DNM3: variants seen among roughly 807,000 people sequenced by gnomAD.
DNM3 encodes the protein dynamin 3, also known as dynamin-3.
In DNM3, 47 loss-of-function variants were observed where a neutral mutation model predicts 101.6. The observed-to-expected ratio is 0.46, with a 90% CI of 0.37 to 0.59. DNM3 has a LOEUF of 0.59. Ranked by LOEUF, DNM3 falls within the 20% of genes least tolerant of loss-of-function variation. DNM3 has a pLI of 0.00. For missense variants in DNM3, 849 were observed against 1,085.7 expected (o/e 0.78, Z 3.06); for synonymous variants, 385 against 387.9 (o/e 0.99, Z 0.09).
chr1:172,192,974 C>T (rs2059792535), intron 14 of DNM3, among the ~76,000 whole-genome samples: 1 of 151,328 alleles, frequency 6.6e-6, no homozygotes, highest in South Asian at 2.1e-4. Flanking sequence ...AATGGTTGAA[C>T]TAGTTTACAG....
At chr1:171,956,888 C>T (rs2042894063) in intron 2 of DNM3, among the ~76,000 whole-genome samples, 1 of 152,312 alleles carries the variant, frequency 6.6e-6, no homozygotes, top group Middle Eastern at 3.4e-3. Flanking sequence ...GACTTGCACC[C>T]TCAGAAGCAA....
Position 171,923,256 on chromosome 1 carries a change from A to G in DNM3, c.235+1435A>G, listed in dbSNP as rs1177837364. 2.6e-5 allele frequency among the ~76,000 whole-genome samples: 4 copies of G among 152,288 alleles called. No homozygotes were observed. The East Asian group carries it at 7.7e-4, about 29-fold the overall frequency. On this transcript the variant is annotated intron_variant, in intron 2 of 20. Coordinates refer to ENST00000627582, the MANE Select transcript of DNM3 (RefSeq NM_015569.5). ...CTGTGGTTTTGACTTGCGTTTTCCTAATGACTAAAGATACTGAGCATCTTT... is the reference window on the plus strand; with the variant it reads ...CTGTGGTTTTGACTTGCGTTTTCCTGATGACTAAAGATACTGAGCATCTTT...
At chr1:171,893,428 C>A (rs2037473419) in intron 1 of DNM3, among the ~76,000 whole-genome samples, 4 of 150,354 alleles carry the variant, frequency 2.7e-5, no homozygotes, top group African/African-American at 7.3e-5. Context: ...ATAGTCCAAA[C>A]TATTTTCAAT....
chr1:172,372,674 ATTTTTTTTTTT>A (rs71107346), intron 17 of DNM3, among the ~76,000 whole-genome samples: 26 of 79,008 alleles, frequency 3.3e-4, no homozygotes, highest in African/African-American at 7.5e-4. Flanking sequence ...CTTGTAATTA[ATTTTTTTTTTT>A]TTTTTTTTTT....
At chr1:171,884,263 T>C (rs1258518517) in intron 1 of DNM3, among the ~76,000 whole-genome samples, 1 of 152,214 alleles carries the variant, frequency 6.6e-6, no homozygotes, top group Non-Finnish European at 1.5e-5. Context: ...GTTGGTTAAG[T>C]CTGTTGCCTC....
At chr1:172,044,792 G>A (rs920312840) in intron 9 of DNM3, among the ~76,000 whole-genome samples, 1 of 152,154 alleles carries the variant, frequency 6.6e-6, no homozygotes. Flanking sequence ...CACCAGAGAA[G>A]GGACAGATTA....
At chr1:172,049,428 G>A (rs1470920624) in intron 10 of DNM3, among the ~76,000 whole-genome samples, 2 of 152,152 alleles carry the variant, frequency 1.3e-5, no homozygotes, top group Non-Finnish European at 2.9e-5. Flanking sequence ...AATGGTGGCT[G>A]ATCCATAAAT....
intron 13 of DNM3, among the ~76,000 whole-genome samples, chr1:172,113,783 T>G (rs958281339): frequency 2.6e-5 from 4 of 152,300 alleles, no homozygotes; most frequent in Non-Finnish European, 5.9e-5. Flanking sequence ...CTGTGAGTTA[T>G]CCCTTTTGTG....
chr1:172,267,514 T>A (rs571253480), intron 15 of DNM3, among the ~76,000 whole-genome samples: 86 of 152,052 alleles, frequency 5.7e-4, no homozygotes, highest in Middle Eastern at 3.4e-3. Flanking sequence ...TATAAATGAG[T>A]GCTGTTTGAA....
intron 1 of DNM3, among the ~76,000 whole-genome samples, chr1:171,915,836 C>T (rs913914966): frequency 1.3e-5 from 2 of 152,140 alleles, no homozygotes; most frequent in Admixed American, 6.5e-5. Context: ...GGCTACCTCT[C>T]TGGTAGCTCG....
intron 17 of DNM3, among the ~76,000 whole-genome samples, chr1:172,343,339 A>T (rs2066776214): frequency 6.6e-6 from 1 of 151,968 alleles, no homozygotes; most frequent in Non-Finnish European, 1.5e-5. Flanking sequence ...TTTACTAATT[A>T]AAAAGAGAGG....
chr1:172,224,858 C>T (rs2061043282), intron 14 of DNM3, among the ~76,000 whole-genome samples: 1 of 152,186 alleles, frequency 6.6e-6, no homozygotes, highest in East Asian at 1.9e-4. Context: ...AGCCCAGGAT[C>T]CAGCCCTCTT....
chr1:172,016,021 CA>C (rs55970040), intron 4 of DNM3, among the ~76,000 whole-genome samples: 2,143 of 136,066 alleles, frequency 0.016, 45 homozygotes, highest in African/African-American at 0.043. Flanking sequence ...ACTAAAATTA[CA>C]AAAAAAAAAA....
At chr1:172,215,780 G>T (rs1429553641) in intron 14 of DNM3, among the ~76,000 whole-genome samples, 3 of 151,978 alleles carry the variant, frequency 2.0e-5, no homozygotes, top group Non-Finnish European at 2.9e-5. Flanking sequence ...GGCAGAGCCA[G>T]GTAATTGATG....
intron 12 of DNM3, among the ~76,000 whole-genome samples, chr1:172,085,563 A>G (rs1021912765): frequency 1.3e-5 from 2 of 152,186 alleles, no homozygotes; most frequent in South Asian, 2.1e-4. Context: ...CACCGCAAGC[A>G]GCAGACCAAG....
In DNM3 at chr1:172,253,530, C is replaced by A. The variant is rs1455248723; in HGVS notation, c.1660-43C>A. On this transcript the variant is annotated intron_variant, in intron 14 of 20. Transcript: ENST00000627582. ...CTCTCCTCTCCTCTCCTCTCCTCTC[C>A]TCTCCTCTCCTCTCCCTCTTTTCTT... 4.1e-6 allele frequency: 5 copies of A among 1,233,238 alleles called. No individual in the cohort carries two copies. In the Admixed American group the frequency reaches 1.1e-4, roughly 27 times the overall value. The allele number at this position is 1,233,238 out of a possible 1,614,324, so 76.4% of individuals were successfully genotyped here.
intron 10 of DNM3, among the ~76,000 whole-genome samples, chr1:172,067,588 C>T (rs2051790032): frequency 6.6e-6 from 1 of 152,166 alleles, no homozygotes; most frequent in Admixed American, 6.6e-5. Flanking sequence ...TCCTGGCAAG[C>T]TTCATCTTCT....
intron 17 of DNM3, among the ~76,000 whole-genome samples, chr1:172,358,892 G>A (rs560415239): frequency 4.2e-5 from 1 of 23,870 alleles, no homozygotes; most frequent in South Asian, 2.7e-3. Flanking sequence ...CTGTGGAAAT[G>A]GTGCAAGGAA....
At chr1:172,103,497 T>A (rs890510515) in intron 13 of DNM3, among the ~76,000 whole-genome samples, 2 of 152,196 alleles carry the variant, frequency 1.3e-5, no homozygotes, top group Admixed American at 6.5e-5. Context: ...TGTTCTACAG[T>A]ATGGATGTGC....
Sources: allele counts gnomAD v4.1 joint callset (sites outside exome capture counted in the v4.1 genomes callset), GRCh38; gene constraint gnomAD v4.1.1; transcripts MANE v1.5; gene names NCBI Gene and HGNC (gene_info 2026-07-23, HGNC 2026-07-21).